PASK: variants seen among roughly 807,000 people sequenced by gnomAD.
The protein encoded by PASK is PAS domain containing serine/threonine kinase, also known as PAS domain-containing serine/threonine-protein kinase.
In PASK, 110 loss-of-function variants were observed where a neutral mutation model predicts 121.0. The observed-to-expected ratio is 0.91, with a 90% CI of 0.78 to 1.06. The LOEUF is 1.06. Among genes scored for constraint, PASK ranks in the 50% least tolerant of loss-of-function variants. The probability of loss-of-function intolerance (pLI) is 0.00; values close to 1 mark genes in which losing one functional copy is unlikely to be tolerated. For missense variants in PASK, 1,643 were observed against 1,702.3 expected (o/e 0.97, Z 0.61); for synonymous variants, 686 against 717.8 (o/e 0.96, Z 0.71).
chr2:241,115,968 G>A lies in PASK; in HGVS notation c.3073-555C>T, dbSNP rs1256198825. On this transcript the variant is annotated intron_variant, in intron 12 of 17. Coordinates refer to ENST00000234040, the MANE Select transcript of PASK (RefSeq NM_015148.4). ...GCATCCCATTACGCCGGGGCCACCTGGTCCTCAAGCATCCCATTACACCAG... is the reference window on the plus strand; with the variant it reads ...GCATCCCATTACGCCGGGGCCACCTAGTCCTCAAGCATCCCATTACACCAG... 5.5e-4 allele frequency among the ~76,000 whole-genome samples: 45 copies of A among 81,194 alleles called. 2 individuals carry two copies. The highest frequency in any genetic ancestry group is 0.011 in the Middle Eastern group (1 of 94). The allele number at this position is 81,194 out of a possible 152,430, so 53.3% of individuals were successfully genotyped here.
chr2:241,139,613 A>G, intron 4 of PASK: 2 of 671,368 alleles, frequency 3.0e-6, no homozygotes, highest in Admixed American at 4.1e-5. Flanking sequence ...TACAGCCCTC[A>G]GACAAAGCAA....
Position 241,126,209 on chromosome 2 carries a change from A to G in PASK, c.2706T>C (p.Asp902=), listed in dbSNP as rs2240541. 0.086 allele frequency: 139,461 copies of G among 1,613,608 alleles called. 10,782 individuals carry two copies. The highest frequency in any genetic ancestry group is 0.41 in the African/African-American group (30,897 of 74,870). Residue 902 remains aspartate, a synonymous_variant, in exon 10 of 18, where the codon GAT becomes GAC. Coordinates refer to ENST00000234040, the MANE Select transcript of PASK (RefSeq NM_015148.4). ...GAYSGSCYHR[D]GLRLSIQFEV... ...CCCGGGACATACTCAGCCGTAAGCCATCTCGATGGTAGCAGCTCCCGGAGT... is the reference window on the plus strand; with the variant it reads ...CCCGGGACATACTCAGCCGTAAGCCGTCTCGATGGTAGCAGCTCCCGGAGT...
At position 241,137,161 on chromosome 2, in the gene PASK, C is replaced by A; in HGVS notation, c.980G>T (p.Gly327Val). The change falls in exon 7 of 18, where the codon GGT becomes GTT. Residue 327 changes from glycine (G) to valine (V), a missense_variant. Coordinates refer to ENST00000234040, the MANE Select transcript of PASK (RefSeq NM_015148.4). ...GTAGCCGCTCACAGGGGCCGCCTCACCGGTGGTCGCCTCCTCGCTGCTGGG... is the reference window on the plus strand; with the variant it reads ...GTAGCCGCTCACAGGGGCCGCCTCAACGGTGGTCGCCTCCTCGCTGCTGGG... ...SQPSSEEATT[G>V]EAAPVSGYRA... 6.2e-7 allele frequency: 1 copy of A among 1,613,248 alleles called. No homozygotes were observed. The highest frequency in any genetic ancestry group is 8.5e-7 in the Non-Finnish European group (1 of 1,179,448).
At chr2:241,116,782 C>G (rs149540783) in intron 12 of PASK, among the ~76,000 whole-genome samples, 50 of 152,292 alleles carry the variant, frequency 3.3e-4, no homozygotes, top group African/African-American at 1.1e-3. Flanking sequence ...GGTGTCGGCA[C>G]GCAGCTGAAG....
chr2:241,113,840 A>G, intron 14 of PASK: 1 of 985,390 alleles, frequency 1.0e-6, no homozygotes, highest in East Asian at 1.1e-4. Flanking sequence ...GGTCCTGATG[A>G]ATCTGGAGCT....
Position 241,122,842 on chromosome 2 carries a change from A to AC in PASK, c.2961dup (p.Leu988ValfsTer5). 1 of 1,614,068 alleles carries AC rather than the reference A, an allele frequency of 6.2e-7. No individual in the cohort carries two copies. Among genetic ancestry groups the AC allele is most frequent in the Non-Finnish European group, 8.5e-7 (1 of 1,180,012 alleles). ...GAGTACTCGCCCTCACAGGCCGCCA[A>AC]CCCCTCCAGTTCCACAGCCTTGGGG... On this transcript the variant is annotated frameshift_variant, in exon 12 of 18. Coordinates refer to ENST00000234040, the MANE Select transcript of PASK (RefSeq NM_015148.4). LOFTEE classifies it high-confidence loss of function.
At chr2:241,123,820 GAA>G (rs745583195) in intron 11 of PASK, 127 bp downstream of exon 11, 5,995 of 647,632 alleles carry the variant, frequency 9.3e-3, no homozygotes, top group Non-Finnish European at 0.01. Flanking sequence ...CTCCGTCCCA[GAA>G]AAAAAAAAAA....
intron 10 of PASK, among the ~76,000 whole-genome samples, chr2:241,125,886 G>A (rs895825795): frequency 6.6e-6 from 1 of 152,124 alleles, no homozygotes; most frequent in Non-Finnish European, 1.5e-5. Context: ...TCCTGCTCCC[G>A]ACGGGATCTC....
intron 2 of PASK, among the ~76,000 whole-genome samples, 185 bp downstream of exon 2, chr2:241,142,652 A>G (rs2066756124): frequency 6.6e-6 from 1 of 152,230 alleles, no homozygotes; most frequent in South Asian, 2.1e-4. Context: ...ACAGCAGAGT[A>G]AAAGCAGCAG....
chr2:241,145,837 T>C (rs1307830685), intron 1 of PASK: 2 of 151,872 alleles, frequency 1.3e-5, no homozygotes, highest in African/African-American at 4.9e-5. Context: ...ATGACACCAC[T>C]GCCCTCCAGC....
chr2:241,132,973 CG>C lies in PASK; in HGVS notation c.1363del (p.Arg455GlyfsTer3), dbSNP rs775691022. The C allele has an allele frequency of 3.8e-5, 61 of 1,613,786 alleles. No individual in the cohort carries two copies. The highest frequency in any genetic ancestry group is 5.0e-5 in the Non-Finnish European group (59 of 1,179,862). ...GGHVVPRDEI[R>X]KLMESQDIFT... ...GATGTCTTGGCTTTCCATCAGCTTC[CG>C]GATCTCATCTCGGGGCACAACGTGG... On this transcript the variant is annotated frameshift_variant, in exon 9 of 18. Transcript: ENST00000234040. LOFTEE classifies it high-confidence loss of function.
At position 241,140,029 on chromosome 2, in the gene PASK, G is replaced by T; in HGVS notation, c.456C>A (p.Cys152Ter). Residue 152 changes from cysteine to a stop codon, truncating the protein, a stop_gained, in exon 4 of 18, where the codon TGC becomes TGA. Transcript: ENST00000234040. LOFTEE classifies it high-confidence loss of function. ...TEILVANDKACGLLGYSSQDL... is the reference protein window; with the variant it reads ...TEILVANDKA Reference sequence around the variant, plus strand: ...CCTGGCTGCTGTACCCCAGGAGCCCGCAAGCTTTGTCGTTAGCAACCAGGA... The same window carrying T: ...CCTGGCTGCTGTACCCCAGGAGCCCTCAAGCTTTGTCGTTAGCAACCAGGA... 6.2e-7 allele frequency: 1 copy of T among 1,613,866 alleles called. No homozygotes were observed. The highest frequency in any genetic ancestry group is 8.5e-7 in the Non-Finnish European group (1 of 1,179,774).
At chr2:241,136,893 C>T (rs996362124) in intron 7 of PASK, 111 bp downstream of exon 7, 8 of 1,006,114 alleles carry the variant, frequency 8.0e-6, no homozygotes, top group Non-Finnish European at 1.2e-5. Context: ...GGTAAAGGAG[C>T]GAGCTGGAGA....
At chr2:241,150,070 G>T (rs113716801), upstream of PASK, 21 of 1,295,282 alleles carry the variant, frequency 1.6e-5, 1 homozygote, top group African/African-American at 2.2e-4. Context: ...CGTAGGACTG[G>T]CCCGCACCTT....
intron 10 of PASK, among the ~76,000 whole-genome samples, chr2:241,124,618 T>C (rs1176172553): frequency 6.6e-6 from 1 of 152,250 alleles, no homozygotes; most frequent in Non-Finnish European, 1.5e-5. Context: ...CCATACCCAC[T>C]TACATAGAGA....
At chr2:241,127,475 C>T in intron 9 of PASK, 24 bp from the exon 10 acceptor site, 1 of 1,589,888 alleles carries the variant, frequency 6.3e-7, no homozygotes. Context: ...CATGGGTGAC[C>T]ATCATGTAGG....
At chr2:241,116,796 C>T (rs911168392) in intron 12 of PASK, among the ~76,000 whole-genome samples, 5 of 152,214 alleles carry the variant, frequency 3.3e-5, no homozygotes, top group African/African-American at 7.2e-5. Context: ...GCTGAAGGAG[C>T]GATGGGCAAC....
chr2:241,114,383 C>T, intron 14 of PASK: 1 of 986,440 alleles, frequency 1.0e-6, no homozygotes, highest in Non-Finnish European at 1.2e-6. Context: ...CTACACAGCC[C>T]TTTGCTGGTA....
Position 241,107,235 on chromosome 2 carries a change from C to T in PASK, c.3814+118G>A, listed in dbSNP as rs1173095166. The T allele has an allele frequency of 3.3e-5, 31 of 926,982 alleles. No homozygotes were observed. In the East Asian group the frequency reaches 7.2e-4, roughly 22 times the overall value. 57.4% of individuals were successfully genotyped at this position (926,982 alleles called of 1,614,324 possible). A position where few individuals can be genotyped will look rare whatever the true frequency, so the allele number is the denominator to read the frequency against. On this transcript the variant is annotated intron_variant, in intron 17 of 17. Coordinates refer to ENST00000234040, the MANE Select transcript of PASK (RefSeq NM_015148.4). The stretch of plus-strand genomic sequence containing the variant: ...CAGCTATAGGCCCTGACATTTGTGT[C>T]CAAGACAGCATGGGGGAGAGAGCCT...
Sources: allele counts gnomAD v4.1 joint callset (sites outside exome capture counted in the v4.1 genomes callset), GRCh38; gene constraint gnomAD v4.1.1; transcripts MANE v1.5; gene names NCBI Gene and HGNC (gene_info 2026-07-23, HGNC 2026-07-21).